ASCC1: variants seen among roughly 807,000 people sequenced by gnomAD.
ASCC1 encodes ASC-1 complex subunit P50.
A neutral mutation model predicts 46.6 loss-of-function variants in ASCC1; 35 were observed. That is an observed-to-expected ratio of 0.75 (90% CI 0.57 to 0.99). The LOEUF (loss-of-function observed/expected upper bound fraction) is 0.99, where lower values mean the gene tolerates loss of function less well. ASCC1 is among the 50% of genes least tolerant of loss of function. The pLI is 0.00. For synonymous variants in ASCC1, 143 were observed against 146.6 expected (o/e 0.98, Z 0.18); for missense variants, 376 against 428.7 (o/e 0.88, Z 1.09).
chr10:72,097,727 T>C (rs182695283), intron 9 of ASCC1, among the ~76,000 whole-genome samples: 1 of 152,316 alleles, frequency 6.6e-6, no homozygotes, highest in East Asian at 1.9e-4. Context: ...CCGAAATTCA[T>C]CTACTGACCA....
At chr10:72,112,731 T>G (rs1289860991) in intron 9 of ASCC1, among the ~76,000 whole-genome samples, 3 of 151,588 alleles carry the variant, frequency 2.0e-5, no homozygotes, top group African/African-American at 7.3e-5. Context: ...ATACAAAAAT[T>G]TGCCAGGCAT....
intron 9 of ASCC1, among the ~76,000 whole-genome samples, chr10:72,110,005 T>C (rs1842754309): frequency 6.6e-6 from 1 of 152,206 alleles, no homozygotes; most frequent in African/African-American, 2.4e-5. Flanking sequence ...AGGGCATGGG[T>C]ATTACTGCTT....
At chr10:72,147,900 C>T (rs969595801) in intron 7 of ASCC1, among the ~76,000 whole-genome samples, 4 of 152,140 alleles carry the variant, frequency 2.6e-5, no homozygotes, top group African/African-American at 7.2e-5. Flanking sequence ...GTGGTTCTTA[C>T]GTGGTCTGTG....
chr10:72,180,052 G>A (rs1852373639), intron 5 of ASCC1, among the ~76,000 whole-genome samples: 1 of 152,082 alleles, frequency 6.6e-6, no homozygotes. Context: ...CAAGGCAGGT[G>A]GATCACTTGA....
intron 5 of ASCC1, among the ~76,000 whole-genome samples, chr10:72,178,205 CACA>C (rs1171697229): frequency 2.0e-5 from 3 of 152,192 alleles, no homozygotes; most frequent in Non-Finnish European, 4.4e-5. Flanking sequence ...ATGTGACCTT[CACA>C]ACAACGTTTA....
chr10:72,124,503 C>T (rs958081190), intron 9 of ASCC1, among the ~76,000 whole-genome samples: 9 of 152,142 alleles, frequency 5.9e-5, no homozygotes, highest in African/African-American at 1.9e-4. Context: ...TAACATTGTA[C>T]CCCTGGTTCA....
chr10:72,182,963 C>T (rs973213993), intron 5 of ASCC1, among the ~76,000 whole-genome samples: 1 of 150,712 alleles, frequency 6.6e-6, no homozygotes, highest in African/African-American at 2.4e-5. Flanking sequence ...ATTCCTTATA[C>T]TATCTTTATA....
chr10:72,190,101 A>T (rs1854185844), intron 5 of ASCC1: 1 of 758,906 alleles, frequency 1.3e-6, no homozygotes. Flanking sequence ...CTGGGCTGCA[A>T]GACCAAGCAA....
chr10:72,160,634 G>A (rs529998716), intron 6 of ASCC1, among the ~76,000 whole-genome samples: 7 of 152,098 alleles, frequency 4.6e-5, no homozygotes, highest in African/African-American at 1.7e-4. Flanking sequence ...GCCGAAGCAG[G>A]AGAGTTGCTT....
At chr10:72,144,644 T>G (rs1386708374) in intron 7 of ASCC1, among the ~76,000 whole-genome samples, 3 of 152,090 alleles carry the variant, frequency 2.0e-5, no homozygotes, top group Non-Finnish European at 4.4e-5. Context: ...TATTTTTAAA[T>G]TTTTACTATG....
chr10:72,178,195 A>C (rs1447105320), intron 5 of ASCC1, among the ~76,000 whole-genome samples: 1 of 152,256 alleles, frequency 6.6e-6, no homozygotes, highest in Non-Finnish European at 1.5e-5. Flanking sequence ...TGTACCAAAA[A>C]TGTGACCTTC....
At chr10:72,185,528 T>C (rs1477828240) in intron 5 of ASCC1, among the ~76,000 whole-genome samples, 1 of 152,110 alleles carries the variant, frequency 6.6e-6, no homozygotes, top group East Asian at 1.9e-4. Context: ...AATATTAATA[T>C]TGAACCAAAA....
At chr10:72,137,680 T>C (rs907140932) in intron 7 of ASCC1, among the ~76,000 whole-genome samples, 3 of 152,010 alleles carry the variant, frequency 2.0e-5, no homozygotes, top group African/African-American at 7.3e-5. Flanking sequence ...TTATAGAACA[T>C]ATGAAAAAAG....
chr10:72,160,054 G>A (rs958248420), intron 6 of ASCC1, among the ~76,000 whole-genome samples: 16 of 151,996 alleles, frequency 1.1e-4, no homozygotes, highest in African/African-American at 3.6e-4. Context: ...ACAGGTGCCT[G>A]CCACCATGCC....
At chr10:72,206,307 G>A (rs977777697) in intron 3 of ASCC1, among the ~76,000 whole-genome samples, 1 of 151,960 alleles carries the variant, frequency 6.6e-6, no homozygotes, top group Admixed American at 6.6e-5. Context: ...GGGAGGCTGA[G>A]GCAGGATAAT....
At chr10:72,129,737 C>T (rs1845340766) in intron 8 of ASCC1, among the ~76,000 whole-genome samples, 1 of 151,408 alleles carries the variant, frequency 6.6e-6, no homozygotes, top group Non-Finnish European at 1.5e-5. Flanking sequence ...ACCTGGGAGG[C>T]GGAGGTTGCA....
At chr10:72,141,094 T>C (rs1019027331) in intron 7 of ASCC1, among the ~76,000 whole-genome samples, 1 of 151,884 alleles carries the variant, frequency 6.6e-6, no homozygotes, top group African/African-American at 2.4e-5. Flanking sequence ...GATATAGATA[T>C]AGACATAGAG....
intron 6 of ASCC1, among the ~76,000 whole-genome samples, chr10:72,158,111 A>G (rs1392608389): frequency 2.0e-5 from 3 of 152,206 alleles, no homozygotes; most frequent in Non-Finnish European, 2.9e-5. Flanking sequence ...GCAGAAACAC[A>G]AACTGTTTCA....
chr10:72,172,276 C>CATGG (rs1851197743), intron 5 of ASCC1, among the ~76,000 whole-genome samples: 4 of 151,534 alleles, frequency 2.6e-5, no homozygotes, highest in Non-Finnish European at 4.4e-5. Context: ...TTAGCCAGGC[C>CATGG]TAGTGGTGCA....
Sources: gnomAD v4.1 joint callset for allele counts (sites outside exome capture counted in the v4.1 genomes callset) on GRCh38, gnomAD v4.1.1 for gene constraint, MANE v1.5 for transcripts, NCBI Gene and HGNC (gene_info 2026-07-23, HGNC 2026-07-21) for gene names.